The following GPC5 variants were observed in gnomAD, a reference collection of about 807,000 sequenced individuals.
GPC5 encodes the protein glypican 5.
GPC5 carries 47 observed loss-of-function variants against 53.9 expected under a neutral mutation model. The observed-to-expected ratio is 0.87, with a 90% CI of 0.69 to 1.11. The LOEUF (loss-of-function observed/expected upper bound fraction) is 1.11, where lower values mean the gene tolerates loss of function less well. Among genes scored for constraint, GPC5 ranks in the 50% most tolerant of loss-of-function variants. The probability of loss-of-function intolerance (pLI) is 0.00; values close to 1 mark genes in which losing one functional copy is unlikely to be tolerated. For missense variants in GPC5, 748 were observed against 713.1 expected, an observed-to-expected ratio of 1.05 and a Z score of -0.56; for synonymous variants, 286 against 263.3, an observed-to-expected ratio of 1.09 and a Z score of -0.84.
At chr13:92,063,845 G>A (rs886568777) in intron 6 of GPC5, among the ~76,000 whole-genome samples, 3 of 152,082 alleles carry the variant, frequency 2.0e-5, no homozygotes, top group African/African-American at 7.2e-5. Context: ...GATGCTCTTA[G>A]GAATTCCATG....
chr13:92,085,456 C>A (rs1566428518), intron 6 of GPC5, among the ~76,000 whole-genome samples: 1 of 152,086 alleles, frequency 6.6e-6, no homozygotes, highest in Non-Finnish European at 1.5e-5. Flanking sequence ...GAAGAACAGA[C>A]TCTCTAAGTA....
At chr13:92,089,911 G>A (rs528009531) in intron 6 of GPC5, among the ~76,000 whole-genome samples, 4 of 152,164 alleles carry the variant, frequency 2.6e-5, no homozygotes, top group Admixed American at 1.3e-4. Flanking sequence ...ACACTATATG[G>A]TATAAGAAGA....
chr13:91,864,680 T>C (rs912960651), intron 5 of GPC5, among the ~76,000 whole-genome samples: 3 of 152,188 alleles, frequency 2.0e-5, no homozygotes, highest in African/African-American at 7.2e-5. Flanking sequence ...AAAGTGCTTT[T>C]CAAATTAAGG....
At chr13:91,789,685 A>T (rs2037933199) in intron 5 of GPC5, among the ~76,000 whole-genome samples, 1 of 152,246 alleles carries the variant, frequency 6.6e-6, no homozygotes, top group South Asian at 2.1e-4. Flanking sequence ...TATAAAAATT[A>T]TGTGTACCTG....
chr13:92,499,090 G>T (rs949303982), intron 7 of GPC5, among the ~76,000 whole-genome samples: 1 of 152,076 alleles, frequency 6.6e-6, no homozygotes, highest in Non-Finnish European at 1.5e-5. Flanking sequence ...ATCCTGGAAT[G>T]TCCTTAACAT....
chr13:91,436,304 G>A (rs1424007163), intron 1 of GPC5, among the ~76,000 whole-genome samples: 1 of 151,188 alleles, frequency 6.6e-6, no homozygotes, highest in Non-Finnish European at 1.5e-5. Context: ...GATCTTTCCT[G>A]CTTTCTCTTG....
At chr13:92,777,409 C>A (rs554827463) in intron 7 of GPC5, among the ~76,000 whole-genome samples, 1 of 150,128 alleles carries the variant, frequency 6.7e-6, no homozygotes, top group African/African-American at 2.5e-5. Flanking sequence ...CCAAGGCAGG[C>A]AGATCACGAG....
At chr13:92,192,464 C>A (rs544233586) in intron 7 of GPC5, among the ~76,000 whole-genome samples, 3 of 152,172 alleles carry the variant, frequency 2.0e-5, no homozygotes, top group East Asian at 1.9e-4. Flanking sequence ...ATTTTATGGA[C>A]TAGGTTTAGT....
intron 6 of GPC5, among the ~76,000 whole-genome samples, chr13:92,086,421 T>C (rs1018799221): frequency 4.6e-5 from 7 of 152,240 alleles, no homozygotes; most frequent in Non-Finnish European, 1.0e-4. Context: ...CATGTATTTC[T>C]ACTCCAATTT....
At chr13:91,665,968 T>C (rs1467421823) in intron 2 of GPC5, among the ~76,000 whole-genome samples, 2 of 152,238 alleles carry the variant, frequency 1.3e-5, no homozygotes, top group Non-Finnish European at 2.9e-5. Context: ...TGCCATCTCA[T>C]TCTCTAATCT....
In GPC5 at chr13:92,294,932, G is replaced by A. The variant is rs749724999; in HGVS notation, c.1561+149943G>A. ...ACAACCTCTGCCTCCCGGTTCAAGC[G>A]ATTCTCCTGCCTCAGCCTCCCGAGT... On this transcript the variant is annotated intron_variant, in intron 7 of 7. Transcript: ENST00000377067. Among the ~76,000 whole-genome samples the A allele has an allele frequency of 7.4e-5, 11 of 147,806 alleles. No homozygotes were observed. In the East Asian group the frequency reaches 1.0e-3, roughly 14 times the overall value.
At chr13:92,102,969 C>A (rs1287853218) in intron 6 of GPC5, among the ~76,000 whole-genome samples, 7 of 152,144 alleles carry the variant, frequency 4.6e-5, no homozygotes, top group African/African-American at 1.7e-4. Flanking sequence ...CTCAAGCCTC[C>A]CACCTCAGCT....
intron 7 of GPC5, among the ~76,000 whole-genome samples, chr13:92,533,691 A>T (rs533820308): frequency 6.6e-6 from 1 of 152,166 alleles, no homozygotes; most frequent in Non-Finnish European, 1.5e-5. Context: ...GTAGGTTTTC[A>T]TCAGAAGAAA....
intron 2 of GPC5, among the ~76,000 whole-genome samples, chr13:91,507,267 C>T (rs1298798611): frequency 6.6e-6 from 1 of 152,036 alleles, no homozygotes; most frequent in African/African-American, 2.4e-5. Context: ...GAAGGGAGCT[C>T]TCTGGGGTCT....
chr13:91,600,172 T>C (rs1366087034), intron 2 of GPC5, among the ~76,000 whole-genome samples: 2 of 152,150 alleles, frequency 1.3e-5, no homozygotes, highest in African/African-American at 2.4e-5. Flanking sequence ...ACACCCGCCT[T>C]GGCCTCCCAA....
intron 7 of GPC5, among the ~76,000 whole-genome samples, chr13:92,327,386 A>G (rs144193865): frequency 1.6e-4 from 25 of 152,248 alleles, no homozygotes; most frequent in African/African-American, 5.8e-4. Context: ...TATCTTACAC[A>G]TTGGAGGAAA....
At chr13:92,044,554 G>A (rs1001785878) in intron 6 of GPC5, among the ~76,000 whole-genome samples, 1 of 152,146 alleles carries the variant, frequency 6.6e-6, no homozygotes, top group African/African-American at 2.4e-5. Context: ...TTCTGAATAG[G>A]GATCTTGCAC....
chr13:92,309,374 T>C (rs1309386763), intron 7 of GPC5, among the ~76,000 whole-genome samples: 1 of 152,072 alleles, frequency 6.6e-6, no homozygotes, highest in Non-Finnish European at 1.5e-5. Flanking sequence ...ACTACATATA[T>C]AGATGTAATT....
chr13:92,366,626 AT>A (rs1415740048), intron 7 of GPC5, among the ~76,000 whole-genome samples: 2 of 152,182 alleles, frequency 1.3e-5, no homozygotes, highest in African/African-American at 2.4e-5. Context: ...ATATTCTCAG[AT>A]TTGGGTGCTA....
Sources: gnomAD v4.1 joint callset for allele counts (sites outside exome capture counted in the v4.1 genomes callset) on GRCh38, gnomAD v4.1.1 for gene constraint, MANE v1.5 for transcripts, NCBI Gene and HGNC (gene_info 2026-07-23, HGNC 2026-07-21) for gene names.